PRR23C: variants seen among roughly 807,000 people sequenced by gnomAD.
The protein encoded by PRR23C is proline rich 23C.
In PRR23C, 1 loss-of-function variant was observed where a neutral mutation model predicts 0.1. That is an observed-to-expected ratio of 6.80 (90% CI 2.41 to 32.24). The LOEUF (loss-of-function observed/expected upper bound fraction) is 32.24, where lower values mean the gene tolerates loss of function less well. Ranked by LOEUF, PRR23C falls within the 30% of genes most tolerant of loss-of-function variation. The probability of loss-of-function intolerance (pLI) is 0.11; values close to 1 mark genes in which losing one functional copy is unlikely to be tolerated. For synonymous variants in PRR23C, 172 were observed against 168.1 expected (o/e 1.02, Z -0.18); for missense variants, 361 against 370.4 (o/e 0.97, Z 0.21).
In PRR23C at chr3:139,044,398, C is replaced by T; in HGVS notation, c.223G>A (p.Asp75Asn). 6.4e-7 allele frequency: 1 copy of T among 1,573,760 alleles called. No homozygotes were observed. Among genetic ancestry groups the T allele is most frequent in the Non-Finnish European group, 8.6e-7 (1 of 1,160,336 alleles). The change falls in exon 1 of 1, where the codon GAC (aspartate) becomes AAC (asparagine). Residue 75 changes from aspartate to asparagine, a missense_variant. Asp to Asn is a conservative substitution (Grantham distance 23). Transcript: ENST00000413199. This position sits in a 1 kb window ranked among gnomAD's most constrained non-coding sequence, Gnocchi z 7.5. Reference sequence around the variant, plus strand: ...GCGAGCTCCAGCACCAGGTCGACGTCCTCCAGGGGCACACGCAGGGCACAG... The same window carrying T: ...GCGAGCTCCAGCACCAGGTCGACGTTCTCCAGGGGCACACGCAGGGCACAG... ...AGCALRVPLE[D>N]VDLVLELAPM...
Position 139,043,790 on chromosome 3 carries a change from T to A in PRR23C, c.*42A>T. On this transcript the variant is annotated 3_prime_UTR_variant, in exon 1 of 1. Transcript: ENST00000413199. Reference sequence around the variant, plus strand: ...ACACAACGGCTATCAGGAGACGGTCTCCTGGAGCCCAGCAGGGTGGCAAGG... The same window carrying A: ...ACACAACGGCTATCAGGAGACGGTCACCTGGAGCCCAGCAGGGTGGCAAGG... 1 of 1,473,788 alleles carries A rather than the reference T, an allele frequency of 6.8e-7. No individual in the cohort carries two copies. The highest frequency in any genetic ancestry group is 9.0e-7 in the Non-Finnish European group (1 of 1,110,814). 91.3% of individuals were successfully genotyped at this position (1,473,788 alleles called of 1,614,324 possible).
chr3:139,043,837 C>A, the PRR23C span: 1 of 1,531,908 alleles, frequency 6.5e-7, no homozygotes, highest in Non-Finnish European at 8.8e-7. Context: ...GCAACTCATT[C>A]CTGGAACAGG....
rs757263808 is a variant in PRR23C, at chr3:139,044,018, G to C, written c.603C>G (p.Ala201=). The C allele has an allele frequency of 1.2e-6, 2 of 1,613,366 alleles. No homozygotes were observed. The highest frequency in any genetic ancestry group is 1.7e-6 in the Non-Finnish European group (2 of 1,179,626). Residue 201 remains alanine, a synonymous_variant, in exon 1 of 1, where the codon GCC becomes GCG. Transcript: ENST00000413199. The surrounding 1 kb of genome is among the most constrained non-coding windows in gnomAD (Gnocchi z 7.5). Reference sequence around the variant, plus strand: ...AGCGTCTCTCTGAACTGGGGTTGGGGGCCAGAGCACAGGGCCCTCGGATGG... The same window carrying C: ...AGCGTCTCTCTGAACTGGGGTTGGGCGCCAGAGCACAGGGCCCTCGGATGG... ...EGPIRGPCAL[A]PNPSSERRSP...
rs1937152772 is a variant in PRR23C, at chr3:139,042,562, T to C, written c.*1270A>G. On this transcript the variant is annotated 3_prime_UTR_variant, in exon 1 of 1. Coordinates refer to ENST00000413199, the MANE Select transcript of PRR23C (RefSeq NM_001134657.1). ...GGAATGCCCATATTAACCATACTGT[T>C]CAATCTGGACTTGAAGTAATGTCCA... The C allele has an allele frequency of 6.6e-6, 1 of 152,184 alleles. No homozygotes were observed. Among genetic ancestry groups the C allele is most frequent in the South Asian group, 2.1e-4 (1 of 4,828 alleles). The allele number at this position is 152,184 out of a possible 1,614,324, so 9.4% of individuals were successfully genotyped here. A position where few individuals can be genotyped will look rare whatever the true frequency, so the allele number is the denominator to read the frequency against.
rs893516569 is a variant in PRR23C at position 139,043,130 on chromosome 3, A to G, written c.*702T>C. 6.6e-6 allele frequency: 1 copy of G among 152,208 alleles called. No homozygotes were observed. Among genetic ancestry groups the G allele is most frequent in the African/African-American group, 2.4e-5 (1 of 41,446 alleles). The allele number at this position is 152,208 out of a possible 1,614,324, so 9.4% of individuals were successfully genotyped here. ...TTATAAGCTTTTCCAGGATAAAATA[A>G]TTATATTAAAAACATAGAAGAAGAA... On this transcript the variant is annotated 3_prime_UTR_variant, in exon 1 of 1. Transcript: ENST00000413199.
chr3:139,044,576 C>A lies in PRR23C; in HGVS notation c.45G>T (p.Trp15Cys). The A allele has an allele frequency of 6.5e-7, 1 of 1,538,874 alleles. No homozygotes were observed. Residue 15 changes from tryptophan to cysteine, a missense_variant, in exon 1 of 1, where the codon TGG becomes TGT. Physicochemically the swap from Trp to Cys is radical, Grantham distance 215 (BLOSUM62 -2). Coordinates refer to ENST00000413199, the MANE Select transcript of PRR23C (RefSeq NM_001134657.1). The surrounding 1 kb of genome is among the most constrained non-coding windows in gnomAD (Gnocchi z 7.5). ...PCSPSACLAPWWGQQPGGPGP... is the reference protein window; with the variant it reads ...PCSPSACLAPCWGQQPGGPGP... ...CTGGTCCTCCTGGCTGCTGTCCCCA[C>A]CAGGGCGCAAGGCAGGCGCTGGGGC...
chr3:139,044,748 T>A lies in PRR23C; in HGVS notation c.-128A>T. On this transcript the variant is annotated 5_prime_UTR_variant, in exon 1 of 1. Transcript: ENST00000413199. This position sits in a 1 kb window ranked among gnomAD's most constrained non-coding sequence, Gnocchi z 7.5. ...GGACCGCGCGACGCGGGGCGAGTCC[T>A]CGGAGCTCTGGGGGCGCCTCCCGGA... 9.1e-7 allele frequency: 1 copy of A among 1,104,192 alleles called. No individual in the cohort carries two copies. Among genetic ancestry groups the A allele is most frequent in the Non-Finnish European group, 1.2e-6 (1 of 814,108 alleles). 68.4% of individuals were successfully genotyped at this position (1,104,192 alleles called of 1,614,324 possible). A position where few individuals can be genotyped will look rare whatever the true frequency, so the allele number is the denominator to read the frequency against.
Position 139,044,279 on chromosome 3 carries a change from C to T in PRR23C, c.342G>A (p.Ala114=), listed in dbSNP as rs1432187245. ...LLSSVDECSG[A]QGDWSAGLEV... ...CCAGGCCGGCAGACCAGTCGCCCTG[C>T]GCTCCTGAGCATTCGTCGACGGAGC... The change falls in exon 1 of 1, where the codon GCG becomes GCA. Residue 114 remains alanine (A), a synonymous_variant. Transcript: ENST00000413199. This position sits in a 1 kb window ranked among gnomAD's most constrained non-coding sequence, Gnocchi z 7.5. The T allele has an allele frequency of 1.1e-5, 18 of 1,608,520 alleles. No homozygotes were observed. The highest frequency in any genetic ancestry group is 1.5e-5 in the Non-Finnish European group (18 of 1,177,610).
At position 139,044,453 on chromosome 3, in the gene PRR23C, C is replaced by G; in HGVS notation, c.168G>C (p.Ala56=). The change falls in exon 1 of 1, where the codon GCG becomes GCC. Residue 56 remains alanine (A), a synonymous_variant. Transcript: ENST00000413199. This position sits in a 1 kb window ranked among gnomAD's most constrained non-coding sequence, Gnocchi z 7.5. ...EDPAGTPAVD[A]LTSMVVLDAG... ...CGTCCAGGACCACCATGGAGGTGAG[C>G]GCGTCCACGGCCGGGGTCCCCGCCG... The G allele has an allele frequency of 6.5e-6, 10 of 1,544,572 alleles. No homozygotes were observed. Among genetic ancestry groups the G allele is most frequent in the Non-Finnish European group, 8.7e-6 (10 of 1,145,246 alleles).
In PRR23C at chr3:139,043,955, C is replaced by T. The variant is rs141523429; in HGVS notation, c.666G>A (p.Leu222=). The stretch of plus-strand genomic sequence containing the variant: ...GGAGAGGTGAGCTGGGGACAGGCTC[C>T]AGAAGATGGAATTCCAGGTCGAAGA... ...RPIFDLEFHL[L]EPVPSSPLQP... Residue 222 remains leucine (L), a synonymous_variant, in exon 1 of 1, where the codon CTG becomes CTA. Coordinates refer to ENST00000413199, the MANE Select transcript of PRR23C (RefSeq NM_001134657.1). 283 of 1,608,430 alleles carry T rather than the reference C, an allele frequency of 1.8e-4. 2 individuals are homozygous for T. The highest frequency in any genetic ancestry group is 1.6e-3 in the Admixed American group (94 of 59,238).
Position 139,043,927 on chromosome 3 carries a change from G to T in PRR23C, c.694C>A (p.Pro232Thr). 6.2e-7 allele frequency: 1 copy of T among 1,602,516 alleles called. No individual in the cohort carries two copies. The highest frequency in any genetic ancestry group is 1.7e-5 in the Admixed American group (1 of 58,164). The change falls in exon 1 of 1, where the codon CCT becomes ACT. Residue 232 changes from proline (P) to threonine (T), a missense_variant. Coordinates refer to ENST00000413199, the MANE Select transcript of PRR23C (RefSeq NM_001134657.1). ...LEPVPSSPLQ[P>T]LPPSPSPGPH... ...CCTGGACTCGGAGAGGGAGGTAGAG[G>T]TTGGAGAGGTGAGCTGGGGACAGGC...
chr3:139,044,600 G>C lies in PRR23C; in HGVS notation c.21C>G (p.Ser7Arg). Residue 7 changes from serine to arginine, a missense_variant, in exon 1 of 1, where the codon AGC becomes AGG. By Grantham distance (110) the Ser-to-Arg change is moderately radical (BLOSUM62 -1). Coordinates refer to ENST00000413199, the MANE Select transcript of PRR23C (RefSeq NM_001134657.1). The surrounding 1 kb of genome is among the most constrained non-coding windows in gnomAD (Gnocchi z 7.5). ...ACCAGGGCGCAAGGCAGGCGCTGGG[G>C]CTGCAGGGCCGGCTGCCCATCACCT... MGSRPC[S>R]PSACLAPWWG... 6.6e-7 allele frequency: 1 copy of C among 1,525,944 alleles called. No homozygotes were observed. Among genetic ancestry groups the C allele is most frequent in the East Asian group, 2.5e-5 (1 of 39,504 alleles). 94.5% of individuals were successfully genotyped at this position (1,525,944 alleles called of 1,614,324 possible). A position where few individuals can be genotyped will look rare whatever the true frequency, so the allele number is the denominator to read the frequency against.
chr3:139,044,718 C>G lies in PRR23C; in HGVS notation c.-98G>C, dbSNP rs1937184639. On this transcript the variant is annotated 5_prime_UTR_variant, in exon 1 of 1. Coordinates refer to ENST00000413199, the MANE Select transcript of PRR23C (RefSeq NM_001134657.1). This position sits in a 1 kb window ranked among gnomAD's most constrained non-coding sequence, Gnocchi z 7.5. Reference sequence around the variant, plus strand: ...AAGTCCTCTTTGAGGTAACAGGTGTCGGCAGGACCGCGCGACGCGGGGCGA... The same window carrying G: ...AAGTCCTCTTTGAGGTAACAGGTGTGGGCAGGACCGCGCGACGCGGGGCGA... 1.5e-6 allele frequency: 2 copies of G among 1,321,166 alleles called. No individual in the cohort carries two copies. The highest frequency in any genetic ancestry group is 2.0e-6 in the Non-Finnish European group (2 of 1,007,472). The allele number at this position is 1,321,166 out of a possible 1,614,324, so 81.8% of individuals were successfully genotyped here. A position where few individuals can be genotyped will look rare whatever the true frequency, so the allele number is the denominator to read the frequency against.
Position 139,044,593 on chromosome 3 carries a change from C to T in PRR23C, c.28G>A (p.Ala10Thr). The change falls in exon 1 of 1, where the codon GCC becomes ACC. Residue 10 changes from alanine to threonine, a missense_variant. Ala to Thr is a moderately conservative substitution (Grantham distance 58). Coordinates refer to ENST00000413199, the MANE Select transcript of PRR23C (RefSeq NM_001134657.1). This position sits in a 1 kb window ranked among gnomAD's most constrained non-coding sequence, Gnocchi z 7.5. MGSRPCSPSACLAPWWGQQP... is the reference protein window; with the variant it reads MGSRPCSPSTCLAPWWGQQP... Reference sequence around the variant, plus strand: ...TGTCCCCACCAGGGCGCAAGGCAGGCGCTGGGGCTGCAGGGCCGGCTGCCC... The same window carrying T: ...TGTCCCCACCAGGGCGCAAGGCAGGTGCTGGGGCTGCAGGGCCGGCTGCCC... 1 of 1,531,378 alleles carries T rather than the reference C, an allele frequency of 6.5e-7. No homozygotes were observed. The highest frequency in any genetic ancestry group is 8.7e-7 in the Non-Finnish European group (1 of 1,143,566). 94.9% of individuals were successfully genotyped at this position (1,531,378 alleles called of 1,614,324 possible). A position where few individuals can be genotyped will look rare whatever the true frequency, so the allele number is the denominator to read the frequency against.
In PRR23C at chr3:139,043,574, C is replaced by T. The variant is rs893559451; in HGVS notation, c.*258G>A. 2.8e-6 allele frequency: 1 copy of T among 363,026 alleles called. No homozygotes were observed. The highest frequency in any genetic ancestry group is 2.1e-5 in the African/African-American group (1 of 48,482). The allele number at this position is 363,026 out of a possible 1,614,324, so 22.5% of individuals were successfully genotyped here. On this transcript the variant is annotated 3_prime_UTR_variant, in exon 1 of 1. Transcript: ENST00000413199. The stretch of plus-strand genomic sequence containing the variant: ...GGGTGACTTCCAAACAAAACAGGCC[C>T]GAAGCAGCAATCTCACAGTCTGAAA...
Position 139,044,730 on chromosome 3 carries a change from G to A in PRR23C, c.-110C>T, listed in dbSNP as rs1217586563. 5.7e-6 allele frequency: 7 copies of A among 1,232,744 alleles called. No homozygotes were observed. Among genetic ancestry groups the A allele is most frequent in the Admixed American group, 3.7e-5 (1 of 27,158 alleles). The allele number at this position is 1,232,744 out of a possible 1,614,324, so 76.4% of individuals were successfully genotyped here. A position where few individuals can be genotyped will look rare whatever the true frequency, so the allele number is the denominator to read the frequency against. On this transcript the variant is annotated 5_prime_UTR_variant, in exon 1 of 1. Coordinates refer to ENST00000413199, the MANE Select transcript of PRR23C (RefSeq NM_001134657.1). The surrounding 1 kb of genome is among the most constrained non-coding windows in gnomAD (Gnocchi z 7.5). ...AGGTAACAGGTGTCGGCAGGACCGC[G>A]CGACGCGGGGCGAGTCCTCGGAGCT...
rs574652627 is a variant in PRR23C at position 139,044,870 on chromosome 3, C to A, written c.-250G>T. The A allele has an allele frequency of 1.6e-5, 8 of 500,706 alleles. No individual in the cohort carries two copies. In the South Asian group the frequency reaches 2.7e-4, roughly 17 times the overall value. The allele number at this position is 500,706 out of a possible 1,614,324, so 31.0% of individuals were successfully genotyped here. ...GGCCTTCCTGACGCAGACCCGGATGCGCACTGCAAAGCCAATTATGTTGTA... is the reference window on the plus strand; with the variant it reads ...GGCCTTCCTGACGCAGACCCGGATGAGCACTGCAAAGCCAATTATGTTGTA... On this transcript the variant is annotated 5_prime_UTR_variant, in exon 1 of 1. Transcript: ENST00000413199. The surrounding 1 kb of genome is among the most constrained non-coding windows in gnomAD (Gnocchi z 7.5).
At position 139,044,577 on chromosome 3, in the gene PRR23C, C is replaced by G. The variant is rs550024976; in HGVS notation, c.44G>C (p.Trp15Ser). The change falls in exon 1 of 1, where the codon TGG (tryptophan) becomes TCG (serine). Residue 15 changes from tryptophan to serine, a missense_variant. Trp to Ser is a radical substitution (Grantham distance 177). Coordinates refer to ENST00000413199, the MANE Select transcript of PRR23C (RefSeq NM_001134657.1). This position sits in a 1 kb window ranked among gnomAD's most constrained non-coding sequence, Gnocchi z 7.5. ...TGGTCCTCCTGGCTGCTGTCCCCACCAGGGCGCAAGGCAGGCGCTGGGGCT... is the reference window on the plus strand; with the variant it reads ...TGGTCCTCCTGGCTGCTGTCCCCACGAGGGCGCAAGGCAGGCGCTGGGGCT... ...PCSPSACLAP[W>S]WGQQPGGPGP... is the part of the protein sequence containing the mutation. The G allele has an allele frequency of 3.9e-6, 6 of 1,538,752 alleles. No homozygotes were observed. The East Asian group carries it at 1.2e-4, about 32-fold the overall frequency.
Position 139,044,238 on chromosome 3 carries a change from A to G in PRR23C, c.383T>C (p.Leu128Pro). 6.2e-7 allele frequency: 1 copy of G among 1,610,800 alleles called. No individual in the cohort carries two copies. The highest frequency in any genetic ancestry group is 8.5e-7 in the Non-Finnish European group (1 of 1,178,540). Reference protein sequence around the residue: ...WSAGLEVDVFLGAHGEDVVVE... With the variant: ...WSAGLEVDVFPGAHGEDVVVE... ...GACGACGTCTTCCCCGTGAGCGCCC[A>G]GGAAAACGTCCACTTCCAGGCCGGC... The change falls in exon 1 of 1, where the codon CTG becomes CCG. Residue 128 changes from leucine (L) to proline (P), a missense_variant. Physicochemically the swap from Leu to Pro is moderately conservative, Grantham distance 98 (BLOSUM62 -3). Coordinates refer to ENST00000413199, the MANE Select transcript of PRR23C (RefSeq NM_001134657.1). The surrounding 1 kb of genome is among the most constrained non-coding windows in gnomAD (Gnocchi z 7.5).
Sources: gnomAD v4.1 joint callset for allele counts on GRCh38, gnomAD v4.1.1 for gene constraint, Gnocchi (gnomAD v3.1) non-coding constraint, MANE v1.5 for transcripts, NCBI Gene and HGNC (gene_info 2026-07-23, HGNC 2026-07-21) for gene names.